The following PEX14 variants were observed in gnomAD, a reference collection of about 807,000 sequenced individuals.
The protein encoded by PEX14 is peroxisomal biogenesis factor 14.
PEX14 carries 15 observed loss-of-function variants against 49.5 expected under a neutral mutation model. The observed-to-expected ratio is 0.30, with a 90% CI of 0.20 to 0.47. The LOEUF (loss-of-function observed/expected upper bound fraction) is 0.47, where lower values mean the gene tolerates loss of function less well. PEX14 is among the 20% of genes least tolerant of loss of function. The pLI is 1.00. For synonymous variants in PEX14, 210 were observed against 212.7 expected (o/e 0.99, Z 0.11); for missense variants, 398 against 494.8 (o/e 0.80, Z 1.86).
At chr1:10,491,767 G>A (rs1192454070) in intron 1 of PEX14, among the ~76,000 whole-genome samples, 3 of 133,132 alleles carry the variant, frequency 2.3e-5, no homozygotes, top group Non-Finnish European at 4.6e-5. Context: ...TGTAACCTCC[G>A]CCTCCCGGGT....
intron 1 of PEX14, among the ~76,000 whole-genome samples, chr1:10,479,322 A>G (rs895627835): frequency 6.6e-6 from 1 of 152,062 alleles, no homozygotes; most frequent in African/African-American, 2.4e-5. Flanking sequence ...GGCTGCAGTG[A>G]GCGGTGATTG....
At chr1:10,562,632 C>T (rs999278369) in intron 3 of PEX14, among the ~76,000 whole-genome samples, 4 of 152,188 alleles carry the variant, frequency 2.6e-5, no homozygotes, top group Admixed American at 2.0e-4. Context: ...CATAAAAGGA[C>T]ATTGATTTTG....
chr1:10,491,766 C>T (rs1360989644), intron 1 of PEX14, among the ~76,000 whole-genome samples: 7 of 149,614 alleles, frequency 4.7e-5, no homozygotes, highest in African/African-American at 7.4e-5. Flanking sequence ...CTGTAACCTC[C>T]GCCTCCCGGG....
In PEX14 at chr1:10,581,345, C is replaced by T. The variant is rs146127338; in HGVS notation, c.170-17893C>T. 4.5e-3 allele frequency among the ~76,000 whole-genome samples: 620 copies of T among 138,056 alleles called. 6 individuals carry two copies. Among genetic ancestry groups the T allele is most frequent in the African/African-American group, 0.017 (584 of 34,928 alleles). The allele number at this position is 138,056 out of a possible 152,430, so 90.6% of individuals were successfully genotyped here. On this transcript the variant is annotated intron_variant, in intron 3 of 8. Transcript: ENST00000356607. The stretch of plus-strand genomic sequence containing the variant: ...TTTTTGAGACAGAGTCTGGCTCTGT[C>T]GCCCAGGCTGGAGTGCAGTGGTGCA...
chr1:10,569,164 T>G (rs1317764155), intron 3 of PEX14, among the ~76,000 whole-genome samples: 2 of 152,226 alleles, frequency 1.3e-5, no homozygotes, highest in African/African-American at 4.8e-5. Context: ...TATTCATGCT[T>G]TAGTAAAATC....
chr1:10,539,600 A>G lies in PEX14; in HGVS notation c.169+3303A>G, dbSNP rs114687406. Among the ~76,000 whole-genome samples, 718 of 152,310 alleles carry G rather than the reference A, an allele frequency of 4.7e-3. 9 individuals carry two copies. Among genetic ancestry groups the G allele is most frequent in the African/African-American group, 0.016 (680 of 41,556 alleles). On this transcript the variant is annotated intron_variant, in intron 3 of 8. Transcript: ENST00000356607. The surrounding 1 kb of genome is among the most constrained non-coding windows in gnomAD (Gnocchi z 4.6). Reference sequence around the variant, plus strand: ...GTTTAAGCCCTCATAGAACCAGTCTATATATAGAAGCAGTTCTTGCCAGGC... The same window carrying G: ...GTTTAAGCCCTCATAGAACCAGTCTGTATATAGAAGCAGTTCTTGCCAGGC...
At chr1:10,504,035 A>AT (rs1360862855) in intron 2 of PEX14, among the ~76,000 whole-genome samples, 1 of 152,090 alleles carries the variant, frequency 6.6e-6, no homozygotes, top group African/African-American at 2.4e-5. Flanking sequence ...TGCCCGGCCC[A>AT]TTTTCCAGGA....
At chr1:10,520,153 T>TTTTTTTTTTTTTTTTTTTTTTG (rs754714815) in intron 2 of PEX14, among the ~76,000 whole-genome samples, 1 of 91,906 alleles carries the variant, frequency 1.1e-5, no homozygotes, top group Non-Finnish European at 2.4e-5. Context: ...TTCTTCTTTT[T>TTTTTTTTTTTTTTTTTTTTTTG]TTTTTTTTTG....
rs532365927 is a variant in PEX14 at position 10,491,136 on chromosome 1, G to T, written c.37-4138G>T. ...CCTGCCTCGACCTCCCAAAATGCTG[G>T]GATTACAGGCGTGAGCTACTGTGCC... On this transcript the variant is annotated intron_variant, in intron 1 of 8. Transcript: ENST00000356607. 2.0e-5 allele frequency among the ~76,000 whole-genome samples: 3 copies of T among 151,682 alleles called. No homozygotes were observed. In the East Asian group the frequency reaches 5.8e-4, roughly 30 times the overall value.
In PEX14 at chr1:10,482,494, C is replaced by T. The variant is rs918239066; in HGVS notation, c.36+7492C>T. 9.5e-5 allele frequency among the ~76,000 whole-genome samples: 14 copies of T among 148,036 alleles called. No individual in the cohort carries two copies. In the East Asian group the frequency reaches 1.6e-3, roughly 17 times the overall value. On this transcript the variant is annotated intron_variant, in intron 1 of 8. Transcript: ENST00000356607. ...TCTGTCACCGGCTGGAGTGCAGTGG[C>T]GCAATCTCAGCTCACTGCAACCTCC... is the stretch of plus-strand genomic sequence containing the variant.
At chr1:10,535,234 G>C (rs563915707) in intron 2 of PEX14, among the ~76,000 whole-genome samples, 1 of 152,340 alleles carries the variant, frequency 6.6e-6, no homozygotes, top group South Asian at 2.1e-4. Context: ...CTGGTGTCTG[G>C]GGTGGAAAGT....
intron 4 of PEX14, among the ~76,000 whole-genome samples, chr1:10,615,828 G>A (rs1641398258): frequency 6.6e-6 from 1 of 152,214 alleles, no homozygotes; most frequent in Non-Finnish European, 1.5e-5. Flanking sequence ...AGGAAGAGAA[G>A]ACATCCTGTG....
intron 1 of PEX14, among the ~76,000 whole-genome samples, chr1:10,480,827 GTCTCTCTCTCTCTT>G (rs1403714528): frequency 2.0e-5 from 3 of 149,136 alleles, no homozygotes. Flanking sequence ...CTTTATGTCA[GTCTCTCTCTCTCTT>G]TCTCTCTCTC....
intron 1 of PEX14, among the ~76,000 whole-genome samples, chr1:10,484,290 G>T (rs921734649): frequency 4.0e-5 from 6 of 151,328 alleles, no homozygotes; most frequent in Non-Finnish European, 1.5e-5. Context: ...TGCCCACCTC[G>T]GCCTCCCAAA....
chr1:10,577,593 T>TAA (rs1640186678), intron 3 of PEX14, among the ~76,000 whole-genome samples: 1 of 34,834 alleles, frequency 2.9e-5, no homozygotes, highest in African/African-American at 1.6e-4. Flanking sequence ...TTTTTTTTTT[T>TAA]TTTTTTTTTT....
rs74051824 is a variant in PEX14 at position 10,509,928 on chromosome 1, A to G, written c.84+14607A>G. Reference sequence around the variant, plus strand: ...TCGTGGCCATTACTTACTCATTACTAACTGGTCTCTCCTGCTTCCCTTTGT... The same window carrying G: ...TCGTGGCCATTACTTACTCATTACTGACTGGTCTCTCCTGCTTCCCTTTGT... On this transcript the variant is annotated intron_variant, in intron 2 of 8. Transcript: ENST00000356607. Among the ~76,000 whole-genome samples the G allele has an allele frequency of 5.8e-3, 879 of 152,204 alleles. 9 individuals carry two copies. Among genetic ancestry groups the G allele is most frequent in the African/African-American group, 0.021 (853 of 41,530 alleles).
rs1557854766 is a variant in PEX14 at position 10,577,550 on chromosome 1, ATATATATATATATTTTTTTTTTTTTTTTT to A, written c.170-21686_170-21658del. ...TATACATATATATATATATATATAT[ATATATATATATATTTTTTTTTTTTTTTTT>A]TTTTTTTTTTTTTTTTTTTTTTTTT... is the stretch of plus-strand genomic sequence containing the variant. On this transcript the variant is annotated intron_variant, in intron 3 of 8. Coordinates refer to ENST00000356607, the MANE Select transcript of PEX14 (RefSeq NM_004565.3). 3.4e-3 allele frequency among the ~76,000 whole-genome samples: 44 copies of A among 12,954 alleles called. 2 individuals carry two copies. Among genetic ancestry groups the A allele is most frequent in the East Asian group, 0.03 (5 of 166 alleles). The allele number at this position is 12,954 out of a possible 152,430, so 8.5% of individuals were successfully genotyped here.
rs1410327190 is a variant in PEX14 at position 10,547,983 on chromosome 1, A to G, written c.169+11686A>G. On this transcript the variant is annotated intron_variant, in intron 3 of 8. Transcript: ENST00000356607. ...GTAATCCCAGCACTTTGGGAGGCTG[A>G]GGCAGGCAGATCACCTGAGGTCAGG... Among the ~76,000 whole-genome samples, 5 of 152,172 alleles carry G rather than the reference A, an allele frequency of 3.3e-5. No individual in the cohort carries two copies. The South Asian group carries it at 8.3e-4, about 25-fold the overall frequency.
At chr1:10,561,729 A>T (rs541082371) in intron 3 of PEX14, among the ~76,000 whole-genome samples, 16 of 152,320 alleles carry the variant, frequency 1.1e-4, no homozygotes, top group African/African-American at 3.1e-4. Flanking sequence ...TTTAGTATCC[A>T]TTGGAGATTC....
Sources: gnomAD v4.1 joint callset for allele counts (sites outside exome capture counted in the v4.1 genomes callset) on GRCh38, gnomAD v4.1.1 for gene constraint, Gnocchi (gnomAD v3.1) non-coding constraint, MANE v1.5 for transcripts, NCBI Gene and HGNC (gene_info 2026-07-23, HGNC 2026-07-21) for gene names.